Variants in MPPED2 observed in about 807,000 individuals in gnomAD.
The protein encoded by MPPED2 is metallophosphoesterase domain containing 2.
MPPED2 carries 5 observed loss-of-function variants against 33.0 expected under a neutral mutation model. The ratio of observed to expected loss-of-function variants is 0.15; its 90% confidence interval spans 0.08 to 0.32. MPPED2 has a LOEUF of 0.32. Among genes scored for constraint, MPPED2 ranks in the 10% least tolerant of loss-of-function variants. The probability of loss-of-function intolerance (pLI) is 1.00; values close to 1 mark genes in which losing one functional copy is unlikely to be tolerated. For synonymous variants in MPPED2, 136 were observed against 141.9 expected, an observed-to-expected ratio of 0.96 and a Z score of 0.29; for missense variants, 275 against 372.1, an observed-to-expected ratio of 0.74 and a Z score of 2.15.
In MPPED2 at chr11:30,476,314, C is replaced by T. The variant is rs545175639; in HGVS notation, c.536+18982G>A. 5.3e-5 allele frequency among the ~76,000 whole-genome samples: 8 copies of T among 151,558 alleles called. No individual in the cohort carries two copies. In the East Asian group the frequency reaches 1.2e-3, roughly 22 times the overall value. On this transcript the variant is annotated intron_variant, in intron 4 of 6. Coordinates refer to ENST00000358117, the MANE Select transcript of MPPED2 (RefSeq NM_001584.3). ...TTATGTTGTTTATGTTTTTTGTGTC[C>T]GAATCTAAGAAATTTTGCCCATTCC...
chr11:30,546,433 T>C (rs560953605), intron 2 of MPPED2, among the ~76,000 whole-genome samples: 2 of 152,316 alleles, frequency 1.3e-5, no homozygotes, highest in Admixed American at 6.5e-5. Context: ...ATTTCTTTTT[T>C]ATTAAAATTC....
chr11:30,508,760 G>A (rs1471495630), intron 3 of MPPED2, among the ~76,000 whole-genome samples: 2 of 152,132 alleles, frequency 1.3e-5, no homozygotes, highest in Admixed American at 6.6e-5. Context: ...ACGTTCTGTG[G>A]TATGGTGTGT....
chr11:30,394,081 A>T (rs1947811914), intron 6 of MPPED2, among the ~76,000 whole-genome samples: 1 of 152,210 alleles, frequency 6.6e-6, no homozygotes, highest in Admixed American at 6.5e-5. Flanking sequence ...CGATTCATCC[A>T]GGCTGTTGTG....
At chr11:30,446,823 C>T (rs1290284508) in intron 4 of MPPED2, among the ~76,000 whole-genome samples, 1 of 152,170 alleles carries the variant, frequency 6.6e-6, no homozygotes, top group Non-Finnish European at 1.5e-5. Context: ...GACGCCAAGT[C>T]CCAGTCTAAA....
intron 1 of MPPED2, chr11:30,584,303 G>A: frequency 6.5e-6 from 1 of 153,262 alleles, no homozygotes; most frequent in Non-Finnish European, 1.4e-5. Context: ...AGGGTGGTGG[G>A]CAGTTGCGCG....
At chr11:30,576,065 A>G (rs185799255) in intron 2 of MPPED2, among the ~76,000 whole-genome samples, 22 of 152,376 alleles carry the variant, frequency 1.4e-4, no homozygotes, top group Non-Finnish European at 2.1e-4. Flanking sequence ...GATAACAGCT[A>G]ACATTTATTG....
chr11:30,569,264 A>G (rs60480680), intron 2 of MPPED2, among the ~76,000 whole-genome samples: 14,018 of 152,106 alleles, frequency 0.092, 2,171 homozygotes, highest in African/African-American at 0.32. Context: ...TCTCAGGAGG[A>G]TCAGTTGCAA....
At chr11:30,388,813 A>G (rs767202532) in exon 7 of MPPED2, 30 of 1,427,700 alleles carry the variant, frequency 2.1e-5, no homozygotes, top group Non-Finnish European at 2.6e-5. Flanking sequence ...TTCTTGATTC[A>G]TGCCAGGATT....
chr11:30,494,901 G>T (rs1183789325), intron 4 of MPPED2, among the ~76,000 whole-genome samples: 5 of 152,034 alleles, frequency 3.3e-5, no homozygotes, highest in Admixed American at 6.6e-5. Flanking sequence ...ATTGTATTAT[G>T]TATTATAAGT....
exon 7 of MPPED2, chr11:30,386,739 A>G: frequency 2.5e-6 from 1 of 398,576 alleles, no homozygotes; most frequent in Non-Finnish European, 4.4e-6. Flanking sequence ...GAATTCATTC[A>G]CAACAGTCAA....
intron 2 of MPPED2, among the ~76,000 whole-genome samples, chr11:30,564,684 G>T (rs1956368285): frequency 6.6e-6 from 1 of 152,068 alleles, no homozygotes; most frequent in East Asian, 1.9e-4. Flanking sequence ...AGACCCTTAG[G>T]CATTTATTAC....
At chr11:30,504,002 G>A (rs1952692562) in intron 3 of MPPED2, among the ~76,000 whole-genome samples, 1 of 152,242 alleles carries the variant, frequency 6.6e-6, no homozygotes, top group African/African-American at 2.4e-5. Flanking sequence ...AGTCAGACCT[G>A]TTATCACAGG....
intron 6 of MPPED2, among the ~76,000 whole-genome samples, chr11:30,402,733 C>A (rs1947926194): frequency 6.6e-6 from 1 of 152,132 alleles, no homozygotes. Flanking sequence ...TGAACTCAAA[C>A]ACATTTTATT....
chr11:30,411,642 T>G (rs1948109811), intron 6 of MPPED2, 56 bp from the exon 7 acceptor site: 1 of 1,463,180 alleles, frequency 6.8e-7, no homozygotes, highest in Non-Finnish European at 9.2e-7. Flanking sequence ...AGTGATGGAA[T>G]GTAGGGCTGT....
chr11:30,518,397 T>C (rs1337564580), intron 3 of MPPED2, among the ~76,000 whole-genome samples: 3 of 152,244 alleles, frequency 2.0e-5, no homozygotes, highest in African/African-American at 7.2e-5. Context: ...TTAAAAATCA[T>C]AGCATTCTAG....
intron 3 of MPPED2, among the ~76,000 whole-genome samples, chr11:30,517,841 A>T (rs909826114): frequency 6.6e-6 from 1 of 152,160 alleles, no homozygotes; most frequent in Admixed American, 6.5e-5. Flanking sequence ...TAGTAAAATC[A>T]TGTATAAACT....
chr11:30,389,074 C>G, intron 6 of MPPED2: 3 of 1,366,464 alleles, frequency 2.2e-6, no homozygotes, highest in Non-Finnish European at 2.9e-6. Context: ...TAAACAACCC[C>G]TCAGCACCTC....
chr11:30,543,827 G>T (rs190746245), intron 2 of MPPED2, among the ~76,000 whole-genome samples: 1 of 141,938 alleles, frequency 7.0e-6, no homozygotes, highest in Non-Finnish European at 1.5e-5. Context: ...TAAACTAGGA[G>T]CTGGTAAAAT....
chr11:30,456,450 A>C (rs773020113), intron 4 of MPPED2, among the ~76,000 whole-genome samples: 10 of 152,202 alleles, frequency 6.6e-5, no homozygotes, highest in Non-Finnish European at 1.2e-4. Context: ...TTGGGGTCAC[A>C]TTCCATACAT....
Sources: allele counts gnomAD v4.1 joint callset (sites outside exome capture counted in the v4.1 genomes callset), GRCh38; gene constraint gnomAD v4.1.1; transcripts MANE v1.5; gene names NCBI Gene and HGNC (gene_info 2026-07-23, HGNC 2026-07-21).